The following ARB2A variants were observed in gnomAD, a reference collection of about 807,000 sequenced individuals.
ARB2A encodes cotranscriptional regulator ARB2A.
the ARB2A span, among the ~76,000 whole-genome samples, chr5:93,639,881 C>T: frequency 6.6e-6 from 1 of 151,530 alleles, no homozygotes; most frequent in African/African-American, 2.4e-5. Context: ...CTCGTCTCTA[C>T]TAAAAATACA....
At chr5:93,908,721 T>A in the ARB2A span, among the ~76,000 whole-genome samples, 1 of 150,910 alleles carries the variant, frequency 6.6e-6, no homozygotes, top group African/African-American at 2.4e-5. Context: ...TGAAAACTAA[T>A]AAGGTGAGGG....
chr5:93,920,514 T>A, the ARB2A span, among the ~76,000 whole-genome samples: 2 of 152,070 alleles, frequency 1.3e-5, no homozygotes, highest in Admixed American at 6.6e-5. Flanking sequence ...AACTTACAGA[T>A]GAATTGCATG....
the ARB2A span, among the ~76,000 whole-genome samples, chr5:93,747,369 A>C: frequency 3.9e-5 from 6 of 152,282 alleles, no homozygotes; most frequent in African/African-American, 1.4e-4. Flanking sequence ...CTATGAACTG[A>C]AACAAGCCAA....
chr5:94,002,492 C>A, the ARB2A span, among the ~76,000 whole-genome samples: 1 of 151,760 alleles, frequency 6.6e-6, no homozygotes, highest in Non-Finnish European at 1.5e-5. Context: ...GTGATGTCTG[C>A]GCATTATTTT....
chr5:94,045,891 C>T, the ARB2A span, among the ~76,000 whole-genome samples: 1 of 151,918 alleles, frequency 6.6e-6, no homozygotes, highest in Admixed American at 6.6e-5. Flanking sequence ...TGTCTTAAAT[C>T]ATTTTTCATA....
chr5:94,088,867 T>A, the ARB2A span, among the ~76,000 whole-genome samples: 2 of 152,116 alleles, frequency 1.3e-5, no homozygotes, highest in Admixed American at 6.5e-5. Flanking sequence ...AAACGAAAAA[T>A]GAAGGCTGAG....
the ARB2A span, among the ~76,000 whole-genome samples, chr5:93,901,368 A>T: frequency 6.6e-6 from 1 of 152,180 alleles, no homozygotes; most frequent in Non-Finnish European, 1.5e-5. Flanking sequence ...AGAAGGAAGG[A>T]GTGCACAGGT....
At chr5:93,630,513 CTT>C in the ARB2A span, among the ~76,000 whole-genome samples, 1 of 152,180 alleles carries the variant, frequency 6.6e-6, no homozygotes, top group African/African-American at 2.4e-5. Context: ...GCAGCAGACA[CTT>C]TGCATCATTT....
the ARB2A span, among the ~76,000 whole-genome samples, chr5:93,895,706 A>G: frequency 6.6e-6 from 1 of 152,118 alleles, no homozygotes; most frequent in African/African-American, 2.4e-5. Context: ...TGGTCACAGA[A>G]ATCATTGAAC....
chr5:93,667,129 T>C, the ARB2A span, among the ~76,000 whole-genome samples: 1 of 152,172 alleles, frequency 6.6e-6, no homozygotes, highest in African/African-American at 2.4e-5. Context: ...CAGCGACAGG[T>C]TTCTGAATAT....
At chr5:94,109,756 CCCT>C in the ARB2A span, among the ~76,000 whole-genome samples, 1 of 152,146 alleles carries the variant, frequency 6.6e-6, no homozygotes, top group Non-Finnish European at 1.5e-5. Context: ...GGAGCTCACT[CCCT>C]CATTTCATTC....
chr5:93,779,124 T>TGTGTGTGTGTGTGTGTGCGC, the ARB2A span, among the ~76,000 whole-genome samples: 1 of 146,298 alleles, frequency 6.8e-6, no homozygotes, highest in African/African-American at 2.6e-5. Context: ...TGTGTGTGTG[T>TGTGTGTGTGTGTGTGTGCGC]GCGCGCGCGC....
At chr5:93,915,652 T>A in the ARB2A span, among the ~76,000 whole-genome samples, 51 of 151,968 alleles carry the variant, frequency 3.4e-4, no homozygotes, top group African/African-American at 1.2e-3. Flanking sequence ...AACCCAAATA[T>A]CTGAGAACCA....
At chr5:94,060,165 C>T in the ARB2A span, among the ~76,000 whole-genome samples, 3 of 152,098 alleles carry the variant, frequency 2.0e-5, no homozygotes, top group Non-Finnish European at 1.5e-5. Flanking sequence ...TGAGACCAGC[C>T]TGACCAACAT....
chr5:94,024,141 T>C, the ARB2A span, among the ~76,000 whole-genome samples: 1 of 152,204 alleles, frequency 6.6e-6, no homozygotes, highest in Non-Finnish European at 1.5e-5. Context: ...GGCCACATTG[T>C]ACAGATATTT....
the ARB2A span, among the ~76,000 whole-genome samples, chr5:94,082,765 T>C: frequency 6.6e-6 from 1 of 152,178 alleles, no homozygotes; most frequent in African/African-American, 2.4e-5. Context: ...TAGCATTTCA[T>C]GTTTGTATAT....
the ARB2A span, among the ~76,000 whole-genome samples, chr5:93,873,365 GAAA>G: frequency 6.1e-4 from 6 of 9,910 alleles, 1 homozygote; most frequent in African/African-American, 5.6e-4. Context: ...GAAAGGAAAG[GAAA>G]GGAAAGGAAA....
At chr5:93,944,587 A>C in the ARB2A span, among the ~76,000 whole-genome samples, 1 of 146,082 alleles carries the variant, frequency 6.8e-6, no homozygotes, top group African/African-American at 2.5e-5. Context: ...TGAAAAGAAA[A>C]GAGGAGAGGA....
the ARB2A span, among the ~76,000 whole-genome samples, chr5:93,830,577 G>T: frequency 6.6e-6 from 1 of 151,762 alleles, no homozygotes; most frequent in African/African-American, 2.4e-5. Flanking sequence ...TCTGACCTCA[G>T]TGAGGTTCTC....
Sources: allele counts gnomAD v4.1 joint callset (sites outside exome capture counted in the v4.1 genomes callset), GRCh38; gene constraint gnomAD v4.1.1; transcripts MANE v1.5; gene names NCBI Gene and HGNC (gene_info 2026-07-23, HGNC 2026-07-21).